Variants in AGBL1 observed in about 807,000 individuals in gnomAD.
The protein encoded by AGBL1 is cytosolic carboxypeptidase 4.
Under a neutral mutation model 118.9 loss-of-function variants are expected in AGBL1, and 130 were observed. The observed-to-expected ratio is 1.09, with a 90% CI of 0.95 to 1.26. AGBL1 has a LOEUF of 1.26. Ranked by LOEUF, AGBL1 falls within the 50% of genes most tolerant of loss-of-function variation. The pLI is 0.00. For missense variants in AGBL1, 1,584 were observed against 1,298.1 expected (o/e 1.22, Z -3.38); for synonymous variants, 555 against 478.9 (o/e 1.16, Z -2.08).
intron 1 of AGBL1, 162 bp downstream of exon 1, chr15:86,080,185 A>G (rs1895171580): frequency 2.4e-6 from 1 of 421,408 alleles, no homozygotes; most frequent in Non-Finnish European, 4.0e-6. Flanking sequence ...GACCTAAGTG[A>G]TGCTATGGAA....
At chr15:86,676,503 C>G (rs1179303097) in intron 22 of AGBL1, among the ~76,000 whole-genome samples, 2 of 152,020 alleles carry the variant, frequency 1.3e-5, no homozygotes, top group African/African-American at 2.4e-5. Context: ...TTTTGAGAAC[C>G]ATTTGATTAG....
intron 21 of AGBL1, among the ~76,000 whole-genome samples, chr15:86,564,177 T>C (rs528428710): frequency 1.6e-4 from 25 of 152,340 alleles, no homozygotes; most frequent in African/African-American, 6.0e-4. Flanking sequence ...GTCATTATAA[T>C]GTTAACTGGT....
chr15:86,817,311 C>G (rs530133296), intron 22 of AGBL1, among the ~76,000 whole-genome samples: 1,633 of 128,056 alleles, frequency 0.013, 22 homozygotes, highest in Middle Eastern at 0.047. Flanking sequence ...AAAAAAAAAA[C>G]CACCAAACTT....
intron 18 of AGBL1, among the ~76,000 whole-genome samples, chr15:86,460,078 C>T (rs976296115): frequency 3.9e-5 from 6 of 152,054 alleles, no homozygotes; most frequent in Admixed American, 2.0e-4. Flanking sequence ...TGGTCAGATT[C>T]AGCAATAGAA....
chr15:86,804,571 G>T (rs535904749), intron 22 of AGBL1, among the ~76,000 whole-genome samples: 4 of 152,126 alleles, frequency 2.6e-5, no homozygotes, highest in African/African-American at 9.7e-5. Flanking sequence ...TGAATGCTAC[G>T]CATGTGTCTT....
intron 6 of AGBL1, among the ~76,000 whole-genome samples, chr15:86,232,385 A>G (rs974095839): frequency 6.6e-6 from 1 of 152,050 alleles, no homozygotes; most frequent in African/African-American, 2.4e-5. Context: ...CTAGTCCAAT[A>G]TTTATTTTCA....
intron 3 of AGBL1, among the ~76,000 whole-genome samples, chr15:86,146,865 A>G (rs1292938944): frequency 6.6e-6 from 1 of 152,204 alleles, no homozygotes; most frequent in African/African-American, 2.4e-5. Flanking sequence ...CCTTTAGTCC[A>G]GAGGTACATA....
intron 23 of AGBL1, among the ~76,000 whole-genome samples, chr15:86,936,033 G>A (rs1461233534): frequency 6.6e-6 from 1 of 152,238 alleles, no homozygotes; most frequent in African/African-American, 2.4e-5. Context: ...CAAGGCAGAG[G>A]CCGCCACTGA....
chr15:86,795,464 T>C (rs1002150361), intron 22 of AGBL1, among the ~76,000 whole-genome samples: 3 of 152,000 alleles, frequency 2.0e-5, no homozygotes, highest in Non-Finnish European at 4.4e-5. Context: ...CTGCAATTGC[T>C]TGTTTGAGAC....
intron 24 of AGBL1, among the ~76,000 whole-genome samples, chr15:87,001,357 A>T (rs1397137740): frequency 6.6e-6 from 1 of 152,038 alleles, no homozygotes; most frequent in East Asian, 1.9e-4. Context: ...TATATGTGCC[A>T]TATTTTCTTA....
intron 7 of AGBL1, among the ~76,000 whole-genome samples, chr15:86,255,790 A>G (rs917758280): frequency 1.3e-5 from 2 of 152,008 alleles, no homozygotes; most frequent in African/African-American, 4.8e-5. Flanking sequence ...AAAAAAAAAG[A>G]AAGTTGACTT....
intron 1 of AGBL1, among the ~76,000 whole-genome samples, chr15:86,111,666 A>T (rs779381942): frequency 3.3e-5 from 5 of 152,292 alleles, no homozygotes; most frequent in Non-Finnish European, 5.9e-5. Flanking sequence ...GTTGGGGAAA[A>T]CACTTGTGTA....
rs918330708 is a variant in AGBL1, at chr15:86,396,160, TATAA to T, written c.2375-1204_2375-1201del. Reference sequence around the variant, plus strand: ...TCATATATATGTGTATATATATATATATAAAATCATATATTCATATATATGTGTA... The same window carrying T: ...TCATATATATGTGTATATATATATATAATCATATATTCATATATATGTGTA... On this transcript the variant is annotated intron_variant, in intron 17 of 22. Coordinates refer to ENST00000614907, the MANE Select transcript of AGBL1 (RefSeq NM_001386094.1). 8.2e-5 allele frequency among the ~76,000 whole-genome samples: 12 copies of T among 146,130 alleles called. No homozygotes were observed. The East Asian group carries it at 2.4e-3, about 29-fold the overall frequency.
intron 23 of AGBL1, among the ~76,000 whole-genome samples, chr15:86,956,380 G>A (rs951382522): frequency 6.6e-6 from 1 of 152,080 alleles, no homozygotes; most frequent in Non-Finnish European, 1.5e-5. Flanking sequence ...CAGATAAAAT[G>A]AAAGAGATAA....
At chr15:86,470,127 C>T (rs748809876) in intron 18 of AGBL1, among the ~76,000 whole-genome samples, 3 of 152,094 alleles carry the variant, frequency 2.0e-5, no homozygotes, top group Non-Finnish European at 2.9e-5. Context: ...CTTTAGAGAT[C>T]GTAGCCAAGC....
intron 5 of AGBL1, among the ~76,000 whole-genome samples, chr15:86,174,356 G>C (rs2077454008): frequency 6.6e-6 from 1 of 151,856 alleles, no homozygotes; most frequent in African/African-American, 2.4e-5. Context: ...GTGTAGTCTT[G>C]GTTTTTCTAA....
At chr15:87,019,041 T>C (rs1340469530) in intron 24 of AGBL1, among the ~76,000 whole-genome samples, 1 of 151,878 alleles carries the variant, frequency 6.6e-6, no homozygotes, top group African/African-American at 2.4e-5. Flanking sequence ...CATTACATAA[T>C]GGTAAAGGGT....
At chr15:86,548,141 G>C (rs2083611084) in intron 20 of AGBL1, among the ~76,000 whole-genome samples, 1 of 152,062 alleles carries the variant, frequency 6.6e-6, no homozygotes, top group South Asian at 2.1e-4. Flanking sequence ...AGAATGTCTT[G>C]GTAAGATAGG....
intron 22 of AGBL1, among the ~76,000 whole-genome samples, chr15:86,691,009 A>G (rs968670214): frequency 6.6e-6 from 1 of 152,126 alleles, no homozygotes; most frequent in Admixed American, 6.6e-5. Flanking sequence ...TTAAATTGTA[A>G]GAGGAACAAA....
Sources: gnomAD v4.1 joint callset for allele counts (sites outside exome capture counted in the v4.1 genomes callset) on GRCh38, gnomAD v4.1.1 for gene constraint, MANE v1.5 for transcripts, NCBI Gene and HGNC (gene_info 2026-07-23, HGNC 2026-07-21) for gene names.